Variants in C12orf42 observed in about 807,000 individuals in gnomAD.
The protein encoded by C12orf42 is chromosome 12 open reading frame 42.
C12orf42 carries 25 observed loss-of-function variants against 21.6 expected under a neutral mutation model. The ratio of observed to expected loss-of-function variants is 1.16; its 90% CI spans 0.84 to 1.62. The LOEUF is 1.62. C12orf42 is among the 40% of genes most tolerant of loss of function. The probability of loss-of-function intolerance (pLI) is 0.00; values close to 1 mark genes in which losing one functional copy is unlikely to be tolerated. For synonymous variants in C12orf42, 174 were observed against 175.0 expected (o/e 0.99, Z 0.05); for missense variants, 483 against 459.3 (o/e 1.05, Z -0.47).
At position 103,302,030 on chromosome 12, in the gene C12orf42, C is replaced by T; in HGVS notation, c.*78G>A. 6.9e-7 allele frequency: 1 copy of T among 1,438,866 alleles called. No homozygotes were observed. The highest frequency in any genetic ancestry group is 9.5e-7 in the Non-Finnish European group (1 of 1,055,554). 89.1% of individuals were successfully genotyped at this position (1,438,866 alleles called of 1,614,324 possible). A position where few individuals can be genotyped will look rare whatever the true frequency, so the allele number is the denominator to read the frequency against. ...AATGGTTCTGTGGAAACCAGTACAT[C>T]TGAGGCCCTTTCTGTTGTTCTGAGC... On this transcript the variant is annotated 3_prime_UTR_variant, in exon 6 of 6. Coordinates refer to ENST00000548883, the MANE Select transcript of C12orf42 (RefSeq NM_198521.5).
chr12:103,265,340 A>G (rs1170994884), downstream of C12orf42, among the ~76,000 whole-genome samples: 1 of 152,148 alleles, frequency 6.6e-6, no homozygotes, highest in Non-Finnish European at 1.5e-5. Flanking sequence ...TATGCTGCGT[A>G]CTGTGGTAGG....
intron 4 of C12orf42, among the ~76,000 whole-genome samples, chr12:103,324,583 A>C (rs1274889194): frequency 6.6e-6 from 1 of 152,192 alleles, no homozygotes; most frequent in African/African-American, 2.4e-5. Flanking sequence ...CTGCTATTTT[A>C]AAATGTTCTG....
intron 4 of C12orf42, among the ~76,000 whole-genome samples, chr12:103,342,248 A>C (rs73185863): frequency 0.16 from 24,145 of 152,118 alleles, 2,134 homozygotes; most frequent in South Asian, 0.28. Context: ...CTTTTAACAA[A>C]ATTTTCTAAC....
chr12:103,331,672 AG>A (rs1457904600), intron 4 of C12orf42, among the ~76,000 whole-genome samples: 1 of 152,226 alleles, frequency 6.6e-6, no homozygotes, highest in East Asian at 1.9e-4. Flanking sequence ...TGTGTCTTGA[AG>A]GACTGCAGGG....
the C12orf42 span, among the ~76,000 whole-genome samples, chr12:103,228,383 C>T: frequency 6.6e-6 from 1 of 152,096 alleles, no homozygotes; most frequent in Non-Finnish European, 1.5e-5. Flanking sequence ...AATGTCATCA[C>T]TTAAGGCAAG....
At chr12:103,239,025 C>G (rs2033597388) in intron 10 of C12orf42, among the ~76,000 whole-genome samples, 1 of 152,134 alleles carries the variant, frequency 6.6e-6, no homozygotes, top group East Asian at 1.9e-4. Flanking sequence ...AGTCTCTGCT[C>G]TAGTTTTCTT....
At chr12:103,414,202 T>C (rs2049099724) in intron 2 of C12orf42, among the ~76,000 whole-genome samples, 1 of 152,188 alleles carries the variant, frequency 6.6e-6, no homozygotes, top group Non-Finnish European at 1.5e-5. Context: ...TGGCATCACA[T>C]TGTGGTTTTG....
the C12orf42 span, among the ~76,000 whole-genome samples, chr12:103,224,428 G>A: frequency 1.4e-4 from 21 of 152,194 alleles, no homozygotes; most frequent in Non-Finnish European, 1.2e-4. Flanking sequence ...TGGTGGAACC[G>A]CCATCAATAA....
the C12orf42 span, among the ~76,000 whole-genome samples, chr12:103,073,917 G>T: frequency 6.6e-6 from 1 of 152,030 alleles, no homozygotes; most frequent in Admixed American, 6.6e-5. Flanking sequence ...GGATTGCAGA[G>T]GTTAACATAT....
At chr12:103,462,995 A>G (rs926336504) in intron 2 of C12orf42, among the ~76,000 whole-genome samples, 2 of 152,214 alleles carry the variant, frequency 1.3e-5, no homozygotes, top group African/African-American at 4.8e-5. Flanking sequence ...CAAAACGCTT[A>G]AGTTATTTGA....
chr12:103,498,498 T>C (rs1955630139), upstream of C12orf42, among the ~76,000 whole-genome samples: 1 of 151,886 alleles, frequency 6.6e-6, no homozygotes, highest in East Asian at 1.9e-4. Flanking sequence ...AGGAAGAAAA[T>C]CTCCCCACTT....
chr12:103,176,084 C>G, the C12orf42 span, among the ~76,000 whole-genome samples: 48 of 152,146 alleles, frequency 3.2e-4, no homozygotes, highest in African/African-American at 1.1e-3. Flanking sequence ...TTCTTCCCGC[C>G]ATGCCATATC....
At chr12:103,150,906 A>G in the C12orf42 span, among the ~76,000 whole-genome samples, 13 of 152,208 alleles carry the variant, frequency 8.5e-5, no homozygotes, top group Non-Finnish European at 1.8e-4. Flanking sequence ...CTGTATATGA[A>G]GATTTCCTCA....
the C12orf42 span, among the ~76,000 whole-genome samples, chr12:103,143,576 G>T: frequency 6.6e-6 from 1 of 152,218 alleles, no homozygotes; most frequent in South Asian, 2.1e-4. Flanking sequence ...TGTTTTTGCA[G>T]ACTCATGGCA....
chr12:103,271,269 G>T (rs202229983), intron 5 of C12orf42, among the ~76,000 whole-genome samples: 1 of 152,108 alleles, frequency 6.6e-6, no homozygotes, highest in Admixed American at 6.6e-5. Flanking sequence ...CAGCTTAACC[G>T]CAACAGCCAC....
chr12:103,466,725 T>C (rs1416589442), intron 2 of C12orf42, among the ~76,000 whole-genome samples: 1 of 152,202 alleles, frequency 6.6e-6, no homozygotes, highest in Non-Finnish European at 1.5e-5. Context: ...CTTTGCCATA[T>C]AACGTTGTGG....
At position 103,481,651 on chromosome 12, in the gene C12orf42, T is replaced by C. The variant is rs11111604; in HGVS notation, c.-21-3204A>G. On this transcript the variant is annotated intron_variant, in intron 1 of 5. Coordinates refer to ENST00000548883, the MANE Select transcript of C12orf42 (RefSeq NM_198521.5). ...TTTCTAAAATCAACATAAAGCGAGT[T>C]ACTTTAAAAAAAAAATACCGTCTGA... is the stretch of plus-strand genomic sequence containing the variant. Among the ~76,000 whole-genome samples, 1,883 of 54,390 alleles carry C rather than the reference T, an allele frequency of 0.035. 213 individuals carry two copies. In the East Asian group the frequency reaches 0.41, roughly 12 times the overall value. 35.7% of individuals were successfully genotyped at this position (54,390 alleles called of 152,430 possible). A position where few individuals can be genotyped will look rare whatever the true frequency, so the allele number is the denominator to read the frequency against.
At chr12:103,544,041 C>T in the C12orf42 span, among the ~76,000 whole-genome samples, 6 of 152,078 alleles carry the variant, frequency 3.9e-5, no homozygotes, top group South Asian at 1.0e-3. Context: ...TTACAGGCAC[C>T]TGCCACCACG....
chr12:103,223,284 G>T, the C12orf42 span, among the ~76,000 whole-genome samples: 1 of 152,132 alleles, frequency 6.6e-6, no homozygotes, highest in African/African-American at 2.4e-5. Context: ...GAGTGGGAGA[G>T]ATTAAGCTGA....
Sources: gnomAD v4.1 joint callset for allele counts (sites outside exome capture counted in the v4.1 genomes callset) on GRCh38, gnomAD v4.1.1 for gene constraint, MANE v1.5 for transcripts, NCBI Gene and HGNC (gene_info 2026-07-23, HGNC 2026-07-21) for gene names.